Variants in FBXW11 observed in about 807,000 individuals in gnomAD.
FBXW11 encodes F-box and WD repeat domain containing 11, also known as F-box/WD repeat-containing protein 11.
FBXW11 carries 19 observed loss-of-function variants against 77.6 expected under a neutral mutation model. The observed-to-expected ratio is 0.24, with a 90% confidence interval of 0.17 to 0.36. The LOEUF (loss-of-function observed/expected upper bound fraction) is 0.36, where lower values mean the gene tolerates loss of function less well. FBXW11 is among the 10% of genes least tolerant of loss of function. The pLI is 1.00. For missense variants in FBXW11, 334 were observed against 704.2 expected (o/e 0.47, Z 5.95); for synonymous variants, 235 against 249.4 (o/e 0.94, Z 0.54).
intron 2 of FBXW11, among the ~76,000 whole-genome samples, chr5:171,949,001 T>C (rs965181778): frequency 5.9e-5 from 9 of 152,254 alleles, no homozygotes; most frequent in African/African-American, 2.4e-5. Flanking sequence ...TTTGCTGTTT[T>C]TCCTGCTGCT....
rs192689869 is a variant in FBXW11, at chr5:171,900,141, T to C, written c.437-41A>G. 372 of 1,515,626 alleles carry C rather than the reference T, an allele frequency of 2.5e-4. 2 individuals carry two copies. In the African/African-American group the frequency reaches 2.5e-3, roughly 10 times the overall value. The allele number at this position is 1,515,626 out of a possible 1,614,324, so 93.9% of individuals were successfully genotyped here. A position where few individuals can be genotyped will look rare whatever the true frequency, so the allele number is the denominator to read the frequency against. ...GGGAATGAAGGAACGGGAAGAGAGATAGAAAGGTACCAGCCATCATTTCCT... is the reference window on the plus strand; with the variant it reads ...GGGAATGAAGGAACGGGAAGAGAGACAGAAAGGTACCAGCCATCATTTCCT... On this transcript the variant is annotated intron_variant, in intron 4 of 13. Transcript: ENST00000517395.
At chr5:171,917,633 A>T (rs756772076) in intron 2 of FBXW11, among the ~76,000 whole-genome samples, 1 of 152,136 alleles carries the variant, frequency 6.6e-6, no homozygotes, top group African/African-American at 2.4e-5. Context: ...TGCTGCTCTC[A>T]AGTTACACTG....
intron 1 of FBXW11, among the ~76,000 whole-genome samples, chr5:171,971,400 G>A (rs1031977909): frequency 2.0e-5 from 3 of 152,162 alleles, no homozygotes; most frequent in African/African-American, 4.8e-5. Flanking sequence ...AGTCTCATCT[G>A]TGCCCCTCCT....
chr5:171,952,110 A>G (rs993125297), intron 2 of FBXW11, among the ~76,000 whole-genome samples: 13 of 151,982 alleles, frequency 8.6e-5, no homozygotes, highest in Non-Finnish European at 1.8e-4. Context: ...TTATCCCTCT[A>G]GTGACTCCAA....
intron 7 of FBXW11, among the ~76,000 whole-genome samples, chr5:171,882,988 T>C (rs1429913954): frequency 6.6e-6 from 1 of 150,848 alleles, no homozygotes; most frequent in Non-Finnish European, 1.5e-5. Context: ...TTCTTATGCA[T>C]TTGCGTCCTC....
intron 1 of FBXW11, among the ~76,000 whole-genome samples, chr5:172,001,573 A>G (rs1766413723): frequency 6.6e-6 from 1 of 152,220 alleles, no homozygotes; most frequent in Non-Finnish European, 1.5e-5. Flanking sequence ...AACAGAGGAC[A>G]CAAACAGGTA....
intron 3 of FBXW11, among the ~76,000 whole-genome samples, chr5:171,912,377 A>C (rs773883935): frequency 6.6e-6 from 1 of 152,206 alleles, no homozygotes; most frequent in Non-Finnish European, 1.5e-5. Flanking sequence ...TTACTAAGAC[A>C]TTTGAGTCTT....
intron 2 of FBXW11, among the ~76,000 whole-genome samples, chr5:171,953,312 G>A (rs757549685): frequency 6.6e-6 from 1 of 152,108 alleles, no homozygotes; most frequent in Non-Finnish European, 1.5e-5. Flanking sequence ...GTAGGTTTTA[G>A]TGTCTATAAA....
intron 10 of FBXW11, among the ~76,000 whole-genome samples, chr5:171,871,863 T>C (rs1047516248): frequency 4.5e-4 from 68 of 152,214 alleles, no homozygotes; most frequent in African/African-American, 1.6e-3. Flanking sequence ...GACTCCAAAG[T>C]AGTTCCCTTC....
chr5:171,956,239 G>A (rs1215292456), intron 2 of FBXW11, among the ~76,000 whole-genome samples: 1 of 152,128 alleles, frequency 6.6e-6, no homozygotes, highest in Non-Finnish European at 1.5e-5. Flanking sequence ...CAGCATCAAG[G>A]AGAGCACATG....
chr5:171,994,826 C>T (rs1476218763), intron 1 of FBXW11, among the ~76,000 whole-genome samples: 1 of 152,054 alleles, frequency 6.6e-6, no homozygotes, highest in Non-Finnish European at 1.5e-5. Context: ...TTACTTGAGG[C>T]CCGGAGTTTG....
rs566074014 is a variant in FBXW11, at chr5:171,922,812, A to T, written c.148-8407T>A. 2.6e-4 allele frequency among the ~76,000 whole-genome samples: 40 copies of T among 152,212 alleles called. 1 individual carries two copies. Among genetic ancestry groups the T allele is most frequent in the Non-Finnish European group, 4.4e-4 (30 of 68,032 alleles). Reference sequence around the variant, plus strand: ...TGTAACAAGTATTTCATTGTTATTGACATTATACGACAAGAAATGATACCA... The same window carrying T: ...TGTAACAAGTATTTCATTGTTATTGTCATTATACGACAAGAAATGATACCA... On this transcript the variant is annotated intron_variant, in intron 2 of 13. Coordinates refer to ENST00000517395, the MANE Select transcript of FBXW11 (RefSeq NM_001378974.1).
chr5:171,963,663 C>A (rs1179395357), intron 1 of FBXW11, among the ~76,000 whole-genome samples: 1 of 152,086 alleles, frequency 6.6e-6, no homozygotes, highest in African/African-American at 2.4e-5. Flanking sequence ...ACAGATCATG[C>A]AACACAGAGA....
chr5:171,899,803 C>A (rs976775608), intron 5 of FBXW11, 111 bp downstream of exon 5: 3 of 990,512 alleles, frequency 3.0e-6, no homozygotes, highest in Admixed American at 2.6e-5. Context: ...ATTTTCCCCC[C>A]TTTTTAAAAA....
Position 171,880,831 on chromosome 5 carries a change from G to A in FBXW11, c.853-2702C>T, listed in dbSNP as rs118051295. Among the ~76,000 whole-genome samples the A allele has an allele frequency of 1.5e-3, 231 of 152,164 alleles. 3 individuals are homozygous for A. The East Asian group carries it at 0.021, about 14-fold the overall frequency. ...CCTGCCTCAGCCTCCTGAGTAGCAG[G>A]ACTATAGGCGCCCACCACCACACCC... On this transcript the variant is annotated intron_variant, in intron 7 of 13. Coordinates refer to ENST00000517395, the MANE Select transcript of FBXW11 (RefSeq NM_001378974.1).
chr5:171,996,897 A>G, intron 1 of FBXW11: 1 of 1,283,952 alleles, frequency 7.8e-7, no homozygotes, highest in East Asian at 5.6e-5. Context: ...TACCTGGAAA[A>G]TATTTTGTAC....
At chr5:171,895,516 T>C (rs1759683620) in intron 6 of FBXW11, among the ~76,000 whole-genome samples, 1 of 152,182 alleles carries the variant, frequency 6.6e-6, no homozygotes. Flanking sequence ...TCCCAGTGTC[T>C]GTCCAAGAAG....
At chr5:171,915,421 C>T (rs1581195199) in intron 2 of FBXW11, among the ~76,000 whole-genome samples, 1 of 152,132 alleles carries the variant, frequency 6.6e-6, no homozygotes. Flanking sequence ...AATGTTTGGA[C>T]TATTTATACA....
chr5:171,930,736 A>T (rs1272803419), intron 2 of FBXW11, among the ~76,000 whole-genome samples: 5 of 109,276 alleles, frequency 4.6e-5, no homozygotes, highest in Non-Finnish European at 7.3e-5. Context: ...AAATAAATAA[A>T]AAATAAAAAA....
Sources: gnomAD v4.1 joint callset for allele counts (sites outside exome capture counted in the v4.1 genomes callset) on GRCh38, gnomAD v4.1.1 for gene constraint, MANE v1.5 for transcripts, NCBI Gene and HGNC (gene_info 2026-07-23, HGNC 2026-07-21) for gene names.